Variants in NEGR1 observed in about 807,000 individuals in gnomAD.
NEGR1 encodes IgLON family member 4.
Under a neutral mutation model 40.9 loss-of-function variants are expected in NEGR1, and 10 were observed. The ratio of observed to expected loss-of-function variants is 0.24; its 90% CI spans 0.15 to 0.42. The LOEUF (loss-of-function observed/expected upper bound fraction) is 0.42, where lower values mean the gene tolerates loss of function less well. Ranked by LOEUF, NEGR1 falls within the 10% of genes least tolerant of loss-of-function variation. The pLI, the probability that NEGR1 is intolerant of heterozygous loss-of-function variation, is 1.00. For synonymous variants in NEGR1, 185 were observed against 166.8 expected (o/e 1.11, Z -0.84); for missense variants, 352 against 438.9 (o/e 0.80, Z 1.77).
chr1:71,613,657 A>G (rs1416273498), intron 4 of NEGR1, among the ~76,000 whole-genome samples: 1 of 115,318 alleles, frequency 8.7e-6, no homozygotes, highest in Non-Finnish European at 1.7e-5. Flanking sequence ...CTCCATCTCG[A>G]AAAAAAAAAA....
chr1:71,924,599 G>A (rs1645754823), intron 2 of NEGR1, among the ~76,000 whole-genome samples: 1 of 152,156 alleles, frequency 6.6e-6, no homozygotes, highest in Non-Finnish European at 1.5e-5. Context: ...TTTTAATTGT[G>A]TAACTGTTGG....
intron 6 of NEGR1, chr1:71,439,630 T>A (rs1646533811): frequency 6.6e-6 from 1 of 152,232 alleles, no homozygotes; most frequent in South Asian, 2.1e-4. Context: ...CCCAAAATGC[T>A]GAGATTACAG....
chr1:71,629,733 T>C (rs1356331695), intron 4 of NEGR1, among the ~76,000 whole-genome samples: 1 of 151,938 alleles, frequency 6.6e-6, no homozygotes, highest in Non-Finnish European at 1.5e-5. Context: ...GCCCAAAATC[T>C]CCTTAAGCAG....
intron 1 of NEGR1, among the ~76,000 whole-genome samples, chr1:72,188,994 C>T (rs535061557): frequency 6.6e-6 from 1 of 151,482 alleles, no homozygotes; most frequent in South Asian, 2.1e-4. Flanking sequence ...TTTTTCTTAT[C>T]ATCTAATGTG....
chr1:71,931,282 A>T (rs1362275375), intron 2 of NEGR1, among the ~76,000 whole-genome samples: 1 of 152,184 alleles, frequency 6.6e-6, no homozygotes, highest in Non-Finnish European at 1.5e-5. Flanking sequence ...TGAACACTAA[A>T]CATTTCATAT....
chr1:72,176,962 C>T (rs767082242), intron 1 of NEGR1, among the ~76,000 whole-genome samples: 5 of 152,022 alleles, frequency 3.3e-5, no homozygotes, highest in East Asian at 1.9e-4. Context: ...CAGATGAGAT[C>T]GAGCGCGTTC....
chr1:71,497,221 A>G (rs547813833), intron 6 of NEGR1, among the ~76,000 whole-genome samples: 3 of 152,288 alleles, frequency 2.0e-5, no homozygotes, highest in East Asian at 1.9e-4. Context: ...TGATGTTTTA[A>G]GAAAAGAGAA....
intron 1 of NEGR1, among the ~76,000 whole-genome samples, chr1:72,209,415 T>A (rs1408594007): frequency 6.6e-6 from 1 of 151,686 alleles, no homozygotes; most frequent in Non-Finnish European, 1.5e-5. Flanking sequence ...CTAATTGGTC[T>A]CTTGATTTCT....
chr1:71,664,172 G>T (rs1652162910), intron 4 of NEGR1, among the ~76,000 whole-genome samples: 1 of 152,174 alleles, frequency 6.6e-6, no homozygotes, highest in Non-Finnish European at 1.5e-5. Context: ...TTAGATCCTT[G>T]CATCTGTACC....
chr1:72,101,542 T>C (rs1396283096), intron 1 of NEGR1, among the ~76,000 whole-genome samples: 1 of 152,220 alleles, frequency 6.6e-6, no homozygotes, highest in East Asian at 1.9e-4. Context: ...CTCATACAGT[T>C]TGAATTCACC....
At chr1:71,804,958 G>A (rs900002416) in intron 2 of NEGR1, among the ~76,000 whole-genome samples, 3 of 152,116 alleles carry the variant, frequency 2.0e-5, no homozygotes, top group African/African-American at 7.2e-5. Context: ...CTTTTTCTCA[G>A]CAAGGAACAT....
intron 1 of NEGR1, among the ~76,000 whole-genome samples, chr1:72,184,906 G>T (rs938562275): frequency 1.3e-5 from 2 of 151,990 alleles, no homozygotes; most frequent in African/African-American, 4.8e-5. Flanking sequence ...ACATGAAAAA[G>T]TGTTTTAGCT....
intron 1 of NEGR1, among the ~76,000 whole-genome samples, chr1:72,128,024 C>T (rs573606348): frequency 6.6e-6 from 1 of 152,156 alleles, no homozygotes; most frequent in Non-Finnish European, 1.5e-5. Context: ...ATAACTAAGT[C>T]TCTAAAATGA....
chr1:71,521,169 C>G (rs1227710231), intron 6 of NEGR1, among the ~76,000 whole-genome samples: 1 of 151,932 alleles, frequency 6.6e-6, no homozygotes, highest in African/African-American at 2.4e-5. Context: ...GTCCTAGATT[C>G]AATGTAGATA....
chr1:72,102,162 C>T (rs147007813), intron 1 of NEGR1, among the ~76,000 whole-genome samples: 5 of 151,990 alleles, frequency 3.3e-5, no homozygotes, highest in Non-Finnish European at 4.4e-5. Context: ...TTACAAAGAA[C>T]GCTATAGTAG....
intron 1 of NEGR1, among the ~76,000 whole-genome samples, chr1:71,993,951 G>A (rs1646478782): frequency 6.6e-6 from 1 of 151,984 alleles, no homozygotes; most frequent in Non-Finnish European, 1.5e-5. Flanking sequence ...AGGAATAACT[G>A]TTATAATTTC....
At chr1:71,776,785 G>A (rs1431115462) in intron 2 of NEGR1, among the ~76,000 whole-genome samples, 2 of 152,080 alleles carry the variant, frequency 1.3e-5, no homozygotes, top group Admixed American at 6.5e-5. Context: ...GGTCACAAAG[G>A]TATTTTTGAC....
At chr1:71,527,157 A>G (rs1278353448) in intron 6 of NEGR1, among the ~76,000 whole-genome samples, 1 of 151,544 alleles carries the variant, frequency 6.6e-6, no homozygotes, top group Non-Finnish European at 1.5e-5. Context: ...TGTCCCTCTC[A>G]TTCATTGAAA....
intron 1 of NEGR1, among the ~76,000 whole-genome samples, chr1:72,206,846 T>C (rs1653420228): frequency 6.6e-6 from 1 of 151,806 alleles, no homozygotes; most frequent in African/African-American, 2.4e-5. Context: ...CCTAATTTTA[T>C]TATAGGGAGG....
Sources: gnomAD v4.1 joint callset for allele counts (sites outside exome capture counted in the v4.1 genomes callset) on GRCh38, gnomAD v4.1.1 for gene constraint, MANE v1.5 for transcripts, NCBI Gene and HGNC (gene_info 2026-07-23, HGNC 2026-07-21) for gene names.